PEX6: variants seen among roughly 807,000 people sequenced by gnomAD.
PEX6 encodes the protein peroxisomal biogenesis factor 6, also known as peroxisome biogenesis factor 6.
PEX6 carries 55 observed loss-of-function variants against 85.6 expected under a neutral mutation model. The ratio of observed to expected loss-of-function variants is 0.64; its 90% CI spans 0.52 to 0.80. The LOEUF (loss-of-function observed/expected upper bound fraction) is 0.80, where lower values mean the gene tolerates loss of function less well. PEX6 is among the 30% of genes least tolerant of loss of function. PEX6 has a pLI of 0.00. For missense variants in PEX6, 1,099 were observed against 1,260.3 expected (o/e 0.87, Z 1.94); for synonymous variants, 519 against 549.1 (o/e 0.95, Z 0.77).
In PEX6 at chr6:42,965,126, G is replaced by A. The variant is rs183208634; in HGVS notation, c.2615C>T (p.Ala872Val). 6 of 1,614,176 alleles carry A rather than the reference G, an allele frequency of 3.7e-6. No homozygotes were observed. The Admixed American group carries it at 1.0e-4, about 27-fold the overall frequency. ...TAGCTGGGAGGCCCGGTCCTCATTT[G>A]CCCCCACAAACACCAGCTTGTCAAA... is the stretch of plus-strand genomic sequence containing the variant. ...GRFDKLVFVGANEDRASQLRV... is the reference protein window; with the variant it reads ...GRFDKLVFVGVNEDRASQLRV... Residue 872 changes from alanine (A) to valine (V), a missense_variant, in exon 15 of 17, where the codon GCA becomes GTA. Transcript: ENST00000304611. The surrounding 1 kb of genome is among the most constrained non-coding windows in gnomAD (Gnocchi z 5.0).
chr6:42,977,251 C>CCTTTTTTTTTTT (rs34536442), intron 1 of PEX6, among the ~76,000 whole-genome samples: 2 of 126,678 alleles, frequency 1.6e-5, no homozygotes, highest in African/African-American at 3.2e-5. Flanking sequence ...TGAAACCTCA[C>CCTTTTTTTTTTT]TTTTTTTTTT....
intron 5 of PEX6, 114 bp downstream of exon 5, chr6:42,969,554 G>A (rs1397092829): frequency 2.0e-5 from 27 of 1,322,328 alleles, no homozygotes; most frequent in Non-Finnish European, 2.9e-5. Context: ...TTTGAGGAAG[G>A]TCCTCCCAAT....
intron 7 of PEX6, 103 bp from the exon 8 acceptor site, chr6:42,967,666 G>T: frequency 9.8e-7 from 1 of 1,016,132 alleles, no homozygotes; most frequent in Non-Finnish European, 1.5e-6. Context: ...AGTGAGGTGG[G>T]TGCTAGGATG....
chr6:42,968,819 G>A, intron 6 of PEX6, 55 bp downstream of exon 6: 1 of 1,279,272 alleles, frequency 7.8e-7, no homozygotes, highest in Non-Finnish European at 1.1e-6. Flanking sequence ...CAGAGAGGGA[G>A]AACATGAGCT....
rs188865897 is a variant in PEX6 at position 42,974,908 on chromosome 6, T to C, written c.1013A>G (p.Asp338Gly). The stretch of plus-strand genomic sequence containing the variant: ...CTGAAAGTGCCGGTAAAGAACACCG[T>C]CATAATTTCCATTAGTGCTGTAGTG... ...SPHYSTNGNYDGVLYRHFQIP... is the reference protein window; with the variant it reads ...SPHYSTNGNYGGVLYRHFQIP... The change falls in exon 2 of 17, where the codon GAC becomes GGC. Residue 338 changes from aspartate (D) to glycine (G), a missense_variant. Physicochemically the swap from Asp to Gly is moderately conservative, Grantham distance 94. This residue lies in a region of PEX6 where 579 missense variants were observed against 611.6 expected (regional missense o/e 0.95). Coordinates refer to ENST00000304611, the MANE Select transcript of PEX6 (RefSeq NM_000287.4). The C allele has an allele frequency of 3.3e-5, 54 of 1,614,040 alleles. 1 individual carries two copies. Among genetic ancestry groups the C allele is most frequent in the East Asian group, 3.1e-4 (14 of 44,886 alleles).
At chr6:42,978,049 T>C (rs975531872) in intron 1 of PEX6, among the ~76,000 whole-genome samples, 14 of 151,844 alleles carry the variant, frequency 9.2e-5, no homozygotes, top group African/African-American at 3.4e-4. Flanking sequence ...TTCTCCATGT[T>C]GGTCAGGCTG....
chr6:42,968,696 C>G (rs1175007253), intron 6 of PEX6, among the ~76,000 whole-genome samples, 178 bp downstream of exon 6: 1 of 152,202 alleles, frequency 6.6e-6, no homozygotes, highest in Non-Finnish European at 1.5e-5. Context: ...TTGCAACTCC[C>G]TCCTCCTTGA....
At chr6:42,968,711 A>C (rs139242269) in intron 6 of PEX6, among the ~76,000 whole-genome samples, 163 bp downstream of exon 6, 16 of 152,130 alleles carry the variant, frequency 1.1e-4, no homozygotes, top group Admixed American at 1.0e-3. Flanking sequence ...CCTTGAAAGT[A>C]CCTCTCCATA....
rs773177950 is a variant in PEX6, at chr6:42,975,022, G to A, written c.899C>T (p.Ser300Phe). 7 of 1,612,920 alleles carry A rather than the reference G, an allele frequency of 4.3e-6. No homozygotes were observed. In the East Asian group the frequency reaches 1.6e-4, roughly 36 times the overall value. ...ELRIQRYLEG[S>F]IAPEDKGSCS... ...GCTTCCTTTGTCTTCAGGGGCGATGGAGCCTTCCAAGTACCTCTATTAGAG... is the reference window on the plus strand; with the variant it reads ...GCTTCCTTTGTCTTCAGGGGCGATGAAGCCTTCCAAGTACCTCTATTAGAG... Residue 300 changes from serine to phenylalanine, a missense_variant, in exon 2 of 17, where the codon TCC becomes TTC. By Grantham distance (155) the Ser-to-Phe change is radical. This residue lies in a region of PEX6 where 579 missense variants were observed against 611.6 expected (regional missense o/e 0.95). Coordinates refer to ENST00000304611, the MANE Select transcript of PEX6 (RefSeq NM_000287.4).
In PEX6 at chr6:42,969,795, A is replaced by T; in HGVS notation, c.1240T>A (p.Ser414Thr). The T allele has an allele frequency of 1.2e-6, 2 of 1,613,680 alleles. No homozygotes were observed. Among genetic ancestry groups the T allele is most frequent in the East Asian group, 2.2e-5 (1 of 44,874 alleles). ...TTHTSLYMVG[S>T]TLSPVPWLPS... ...AGCCATGGAACAGGGCTCAGGGTAGAACCCACCTGTGAAAGGTAATAAAAA... is the reference window on the plus strand; with the variant it reads ...AGCCATGGAACAGGGCTCAGGGTAGTACCCACCTGTGAAAGGTAATAAAAA... Residue 414 changes from serine to threonine, a missense_variant, in exon 5 of 17, where the codon TCT becomes ACT. Coordinates refer to ENST00000304611, the MANE Select transcript of PEX6 (RefSeq NM_000287.4).
Position 42,978,705 on chromosome 6 carries a change from A to T in PEX6, c.446T>A (p.Leu149Gln), listed in dbSNP as rs1561830810. The change falls in exon 1 of 17, where the codon CTG becomes CAG. Residue 149 changes from leucine (L) to glutamine (Q), a missense_variant. Around this residue, in one of 3 missense-constraint regions of PEX6, gnomAD observed 579 missense variants for 611.6 expected, o/e 0.95. Coordinates refer to ENST00000304611, the MANE Select transcript of PEX6 (RefSeq NM_000287.4). ...LETRPALQGL[L>Q]GPGTRLAVTE... The stretch of plus-strand genomic sequence containing the variant: ...CACAGCCAGCCGAGTCCCTGGGCCC[A>T]GCAGCCCTTGCAACGCCGGCCGCGT... 3 of 1,545,654 alleles carry T rather than the reference A, an allele frequency of 1.9e-6. No individual in the cohort carries two copies. Among genetic ancestry groups the T allele is most frequent in the East Asian group, 2.4e-5 (1 of 41,622 alleles).
At chr6:42,968,184 AG>A (rs1416054979) in intron 7 of PEX6, 105 bp downstream of exon 7, 1 of 897,318 alleles carries the variant, frequency 1.1e-6, no homozygotes. Context: ...TGATCAAGGC[AG>A]GTGATCCACC....
In PEX6 at chr6:42,968,913, A is replaced by G. The variant is rs1432434671; in HGVS notation, c.1440T>C (p.Val480=). ...GPPGCGKTTV[V]AAACSHLGLH... ...GCCCAAGGTGACTACAGGCAGCAGC[A>G]ACTACTGTGGTCTTCCCACAGCCTG... The change falls in exon 6 of 17, where the codon GTT becomes GTC. Residue 480 remains valine (V), a synonymous_variant. Coordinates refer to ENST00000304611, the MANE Select transcript of PEX6 (RefSeq NM_000287.4). The G allele has an allele frequency of 6.2e-7, 1 of 1,613,962 alleles. No homozygotes were observed. Among genetic ancestry groups the G allele is most frequent in the African/African-American group, 1.3e-5 (1 of 74,916 alleles).
Position 42,965,834 on chromosome 6 carries a change from G to C in PEX6, c.2363-45C>G, listed in dbSNP as rs562797392. ...CACAGGAGGGCAAAGCTCGGCTTGT[G>C]GGGGGTTGAAGTTAGGTGAGAGCAG... On this transcript the variant is annotated intron_variant, in intron 12 of 16. Coordinates refer to ENST00000304611, the MANE Select transcript of PEX6 (RefSeq NM_000287.4). The surrounding 1 kb of genome is among the most constrained non-coding windows in gnomAD (Gnocchi z 5.0). The C allele has an allele frequency of 1.3e-5, 20 of 1,552,988 alleles. No individual in the cohort carries two copies. The highest frequency in any genetic ancestry group is 2.2e-5 in the East Asian group (1 of 44,616).
In PEX6 at chr6:42,969,665, C is replaced by A; in HGVS notation, c.1367+3G>T. The A allele has an allele frequency of 6.2e-7, 1 of 1,612,578 alleles. No homozygotes were observed. Among genetic ancestry groups the A allele is most frequent in the South Asian group, 1.1e-5 (1 of 91,000 alleles). ...CACACCCTGGGGTGATGACCTCACT[C>A]ACCCTGGCTGGAGGCGAGGCTTCAG... On this transcript the variant is annotated splice_donor_region_variant and intron_variant, in intron 5 of 16. Coordinates refer to ENST00000304611, the MANE Select transcript of PEX6 (RefSeq NM_000287.4).
intron 1 of PEX6, among the ~76,000 whole-genome samples, chr6:42,978,009 A>G (rs1387091935): frequency 1.3e-5 from 2 of 151,582 alleles, no homozygotes; most frequent in African/African-American, 4.8e-5. Context: ...ACGCCCGGCT[A>G]ATTTTACATT....
intron 1 of PEX6, among the ~76,000 whole-genome samples, chr6:42,976,948 A>G (rs1770322446): frequency 6.6e-6 from 1 of 152,210 alleles, no homozygotes; most frequent in Admixed American, 6.5e-5. Context: ...AACAAGATAG[A>G]ATAAAATAAA....
intron 1 of PEX6, 117 bp downstream of exon 1, chr6:42,978,152 T>G: frequency 7.8e-7 from 1 of 1,282,606 alleles, no homozygotes; most frequent in Non-Finnish European, 1.1e-6. Context: ...GCTAGAAACA[T>G]TATGTTCAAA....
Position 42,965,202 on chromosome 6 carries a change from G to A in PEX6, c.2588+50C>T. The A allele has an allele frequency of 1.2e-6, 2 of 1,608,336 alleles. No individual in the cohort carries two copies. The highest frequency in any genetic ancestry group is 1.7e-6 in the Non-Finnish European group (2 of 1,174,674). The stretch of plus-strand genomic sequence containing the variant: ...GTTTCAGGGAGCCCAGCCATGAGGG[G>A]TGAAGGAGGCACAAAATGAGGGTGG... On this transcript the variant is annotated intron_variant, in intron 14 of 16. Transcript: ENST00000304611. The surrounding 1 kb of genome is among the most constrained non-coding windows in gnomAD (Gnocchi z 5.0).
Sources: gnomAD v4.1 joint callset for allele counts (sites outside exome capture counted in the v4.1 genomes callset) on GRCh38, gnomAD v4.1.1 for gene constraint, gnomAD v4.1.1 regional missense constraint, Gnocchi (gnomAD v3.1) non-coding constraint, MANE v1.5 for transcripts, NCBI Gene and HGNC (gene_info 2026-07-23, HGNC 2026-07-21) for gene names.